The following OR4F3 variants were observed in gnomAD, a reference collection of about 807,000 sequenced individuals.
The protein encoded by OR4F3 is olfactory receptor family 4 subfamily F member 3.
the OR4F3 span, among the ~76,000 whole-genome samples, chr5:181,354,358 TTC>T: frequency 7.6e-6 from 1 of 131,774 alleles, no homozygotes; most frequent in South Asian, 2.5e-4. Flanking sequence ...CTTTGGCAGC[TTC>T]CATGTGGTGT....
At chr5:181,359,517 G>T in the OR4F3 span, among the ~76,000 whole-genome samples, 4,020 of 85,810 alleles carry the variant, frequency 0.047, 296 homozygotes, top group African/African-American at 0.24. Context: ...AAATAAAGAT[G>T]TAAAGTATCA....
At chr5:181,354,402 G>A in the OR4F3 span, among the ~76,000 whole-genome samples, 13,197 of 129,212 alleles carry the variant, frequency 0.1, 911 homozygotes, top group Non-Finnish European at 0.12. Context: ...GTCCAGAATC[G>A]AGGTATGGGA....
chr5:181,362,541 G>C (rs1398859497), upstream of OR4F3, among the ~76,000 whole-genome samples: 24 of 124,210 alleles, frequency 1.9e-4, no homozygotes, highest in African/African-American at 9.3e-4. Context: ...TTTTTGGGGG[G>C]GGTGCTGGGA....
chr5:181,356,758 T>A, the OR4F3 span, among the ~76,000 whole-genome samples: 13 of 135,908 alleles, frequency 9.6e-5, no homozygotes, highest in African/African-American at 3.2e-4. Flanking sequence ...TTCAGAGTAA[T>A]TTTTATGGTT....
the OR4F3 span, among the ~76,000 whole-genome samples, chr5:181,357,096 A>G: frequency 6.4e-3 from 854 of 134,318 alleles, 136 homozygotes; most frequent in African/African-American, 0.025. Context: ...CTCTTTTAAT[A>G]TAGTTCCACT....
the OR4F3 span, among the ~76,000 whole-genome samples, chr5:181,358,569 CT>C: frequency 1.2e-5 from 1 of 84,698 alleles, no homozygotes; most frequent in African/African-American, 5.6e-5. Context: ...TCTTCCCCAT[CT>C]TTTTGCCTTC....
the OR4F3 span, among the ~76,000 whole-genome samples, chr5:181,357,895 GT>G: frequency 8.7e-5 from 1 of 11,436 alleles, no homozygotes; most frequent in Non-Finnish European, 1.8e-4. Flanking sequence ...ACCTTCTTGT[GT>G]TTTCTATTTT....
At chr5:181,362,386 T>C (rs1179521961), upstream of OR4F3, among the ~76,000 whole-genome samples, 1 of 117,714 alleles carries the variant, frequency 8.5e-6, no homozygotes, top group African/African-American at 4.4e-5. Context: ...CATTTTTTTT[T>C]CTTTTTATGT....
the OR4F3 span, among the ~76,000 whole-genome samples, chr5:181,357,251 G>A: frequency 7.4e-6 from 1 of 134,240 alleles, no homozygotes; most frequent in East Asian, 2.0e-4. Flanking sequence ...CTCTCCCACT[G>A]TGAAAGTTGA....
At chr5:181,363,758 A>C (rs1203816585), upstream of OR4F3, among the ~76,000 whole-genome samples, 1 of 87,548 alleles carries the variant, frequency 1.1e-5, no homozygotes, top group African/African-American at 9.2e-5. Flanking sequence ...AGTGAATTGC[A>C]TGTGTATATT....
the OR4F3 span, among the ~76,000 whole-genome samples, chr5:181,359,507 A>G: frequency 9.5e-6 from 1 of 105,780 alleles, no homozygotes; most frequent in East Asian, 2.2e-4. Context: ...TTTAGTCATA[A>G]AATAAAGATG....
upstream of OR4F3, among the ~76,000 whole-genome samples, chr5:181,362,437 A>G (rs1324773220): frequency 8.1e-6 from 1 of 123,138 alleles, no homozygotes. Context: ...GGGGCTTACC[A>G]TCAAGGAAAG....
chr5:181,358,470 A>T, the OR4F3 span, among the ~76,000 whole-genome samples: 19 of 119,182 alleles, frequency 1.6e-4, 1 homozygote, highest in Non-Finnish European at 2.8e-4. Context: ...TATGGCTTAG[A>T]GTGGATTCAT....
upstream of OR4F3, among the ~76,000 whole-genome samples, chr5:181,362,373 A>G (rs2113312875): frequency 1.7e-5 from 2 of 117,206 alleles, 1 homozygote; most frequent in African/African-American, 9.0e-5. Context: ...TGGTCATAAA[A>G]GACATTTTTT....
upstream of OR4F3, among the ~76,000 whole-genome samples, chr5:181,362,409 C>T (rs1761077406): frequency 8.4e-6 from 1 of 119,752 alleles, no homozygotes; most frequent in African/African-American, 4.2e-5. Context: ...GGAATTGAAA[C>T]TTATGGCTTT....
chr5:181,357,125 T>G, the OR4F3 span, among the ~76,000 whole-genome samples: 45 of 134,786 alleles, frequency 3.3e-4, 5 homozygotes, highest in Non-Finnish European at 5.5e-4. Context: ...TAAACCCACT[T>G]TCCTCTCCCA....
the OR4F3 span, among the ~76,000 whole-genome samples, chr5:181,354,565 A>G: frequency 7.9e-6 from 1 of 126,694 alleles, no homozygotes; most frequent in East Asian, 2.0e-4. Context: ...CCACTAGGGT[A>G]CTGCCTAGTG....
chr5:181,357,189 A>T, the OR4F3 span, among the ~76,000 whole-genome samples: 1 of 135,616 alleles, frequency 7.4e-6, no homozygotes, highest in Non-Finnish European at 1.6e-5. Flanking sequence ...TCTAAGAATG[A>T]CCTTTATCTT....
chr5:181,357,120 C>A, the OR4F3 span, among the ~76,000 whole-genome samples: 6 of 134,408 alleles, frequency 4.5e-5, 1 homozygote, highest in African/African-American at 1.2e-4. Flanking sequence ...CCCCTTAAAC[C>A]CACTTTCCTC....
Sources: gnomAD v4.1 joint callset for allele counts (sites outside exome capture counted in the v4.1 genomes callset) on GRCh38, gnomAD v4.1.1 for gene constraint, MANE v1.5 for transcripts, NCBI Gene and HGNC (gene_info 2026-07-23, HGNC 2026-07-21) for gene names.